The following EPHB1 variants were observed in gnomAD, a reference collection of about 807,000 sequenced individuals.
The protein encoded by EPHB1 is EPH receptor B1, also known as ephrin type-B receptor 1.
A neutral mutation model predicts 94.4 loss-of-function variants in EPHB1; 30 were observed. The observed-to-expected ratio is 0.32, with a 90% CI of 0.24 to 0.43. The LOEUF is 0.43. Ranked by LOEUF, EPHB1 falls within the 20% of genes least tolerant of loss-of-function variation. The pLI is 1.00. For missense variants in EPHB1, 1,055 were observed against 1,308.3 expected (o/e 0.81, Z 2.99); for synonymous variants, 522 against 489.1 (o/e 1.07, Z -0.89).
intron 3 of EPHB1, among the ~76,000 whole-genome samples, chr3:135,030,200 G>T (rs968515701): frequency 1.3e-4 from 20 of 152,044 alleles, no homozygotes; most frequent in Non-Finnish European, 2.5e-4. Context: ...TAATTTGATC[G>T]TCTGAAGCCT....
At chr3:135,152,658 G>C (rs1360936941) in intron 5 of EPHB1, among the ~76,000 whole-genome samples, 1 of 152,102 alleles carries the variant, frequency 6.6e-6, no homozygotes. Context: ...GGTAGTGTTG[G>C]AAAGGCCACT....
At chr3:135,138,916 G>C (rs527384911) in intron 5 of EPHB1, among the ~76,000 whole-genome samples, 2 of 152,284 alleles carry the variant, frequency 1.3e-5, no homozygotes, top group East Asian at 1.9e-4. Flanking sequence ...TGTGTTCTCC[G>C]TTGAGCTCAG....
chr3:134,818,686 C>T (rs1578110873), intron 1 of EPHB1, among the ~76,000 whole-genome samples: 2 of 152,128 alleles, frequency 1.3e-5, no homozygotes, highest in Admixed American at 1.3e-4. Context: ...CTGCAAATGC[C>T]GTTAATTCAT....
At chr3:134,958,816 C>T (rs1482021460) in intron 3 of EPHB1, among the ~76,000 whole-genome samples, 1 of 152,174 alleles carries the variant, frequency 6.6e-6, no homozygotes, top group African/African-American at 2.4e-5. Context: ...GGATGCCCCT[C>T]TGCAGCATGG....
At chr3:135,059,391 A>G (rs1164502176) in intron 3 of EPHB1, among the ~76,000 whole-genome samples, 1 of 152,042 alleles carries the variant, frequency 6.6e-6, no homozygotes, top group African/African-American at 2.4e-5. Context: ...CTGGCGGCTC[A>G]CCCCATTACA....
chr3:135,246,729 T>C (rs887673175), intron 13 of EPHB1, among the ~76,000 whole-genome samples: 2 of 152,116 alleles, frequency 1.3e-5, no homozygotes, highest in Non-Finnish European at 2.9e-5. Flanking sequence ...AGAAAAAAGA[T>C]TGTCAGTGCA....
intron 5 of EPHB1, among the ~76,000 whole-genome samples, chr3:135,147,295 T>C (rs1035560655): frequency 6.6e-6 from 1 of 152,214 alleles, no homozygotes; most frequent in Non-Finnish European, 1.5e-5. Flanking sequence ...CTAGAGAGAA[T>C]AGAAGAGGTT....
Position 135,247,321 on chromosome 3 carries a change from G to A in EPHB1, c.2497-995G>A, listed in dbSNP as rs114093462. On this transcript the variant is annotated intron_variant, in intron 13 of 15. Coordinates refer to ENST00000398015, the MANE Select transcript of EPHB1 (RefSeq NM_004441.5). ...ATTATACTATTTCTGAAGTTATGCA[G>A]CCAGCTCTTTTACCTGTTACAGTAT... Among the ~76,000 whole-genome samples the A allele has an allele frequency of 8.3e-3, 1,269 of 152,234 alleles. 16 individuals carry two copies. The highest frequency in any genetic ancestry group is 0.028 in the African/African-American group (1,164 of 41,552).
At chr3:135,226,463 T>C (rs1283389419) in intron 12 of EPHB1, among the ~76,000 whole-genome samples, 1 of 152,214 alleles carries the variant, frequency 6.6e-6, no homozygotes, top group Non-Finnish European at 1.5e-5. Context: ...GAATGGTCAG[T>C]GTAGAATGGG....
chr3:134,827,870 C>T (rs2036513402), intron 1 of EPHB1, among the ~76,000 whole-genome samples: 1 of 152,174 alleles, frequency 6.6e-6, no homozygotes, highest in East Asian at 1.9e-4. Context: ...TCATTCACAT[C>T]CCTTGCATTG....
intron 3 of EPHB1, among the ~76,000 whole-genome samples, chr3:135,097,028 G>T (rs1292799803): frequency 1.3e-5 from 2 of 150,340 alleles, no homozygotes; most frequent in African/African-American, 4.9e-5. Context: ...CCCTGGAGGT[G>T]GAGGTTGCAG....
Position 135,002,519 on chromosome 3 carries a change from T to C in EPHB1, c.805+50467T>C, listed in dbSNP as rs568488078. On this transcript the variant is annotated intron_variant, in intron 3 of 15. Transcript: ENST00000398015. ...CCTCTTTTTCTATTGATTGGAATAG[T>C]TTCAGAAGGAATGGTACCAGTTCCT... Among the ~76,000 whole-genome samples the C allele has an allele frequency of 5.9e-3, 894 of 151,988 alleles. 13 individuals are homozygous for C. The highest frequency in any genetic ancestry group is 9.4e-3 in the Non-Finnish European group (638 of 67,870).
Position 134,980,476 on chromosome 3 carries a change from G to A in EPHB1, c.805+28424G>A, listed in dbSNP as rs571558357. Among the ~76,000 whole-genome samples, 170 of 151,954 alleles carry A rather than the reference G, an allele frequency of 1.1e-3. 2 individuals carry two copies. Among genetic ancestry groups the A allele is most frequent in the Admixed American group, 3.2e-3 (49 of 15,272 alleles). ...GATGCCACTTCCTAATGGGAAGGGT[G>A]TCAAGAATTTGAAGCCTTTACTTAC... On this transcript the variant is annotated intron_variant, in intron 3 of 15. Transcript: ENST00000398015.
In EPHB1 at chr3:135,056,848, G is replaced by C. The variant is rs1221979418; in HGVS notation, c.806-49600G>C. On this transcript the variant is annotated intron_variant, in intron 3 of 15. Transcript: ENST00000398015. ...TGTAAGCAGAGCCTGAGGTGTAGGG[G>C]AGGCATCCAGGCGGTGAGCCCCAAG... Among the ~76,000 whole-genome samples the C allele has an allele frequency of 3.3e-5, 5 of 152,296 alleles. 1 individual carries two copies. Among genetic ancestry groups the C allele is most frequent in the Admixed American group, 3.3e-4 (5 of 15,300 alleles).
At chr3:134,816,175 T>C (rs1397993992) in intron 1 of EPHB1, among the ~76,000 whole-genome samples, 1 of 146,890 alleles carries the variant, frequency 6.8e-6, no homozygotes, top group Non-Finnish European at 1.5e-5. Flanking sequence ...CTCCACGTCT[T>C]GGGTTCAAGC....
At chr3:135,112,505 C>T (rs1038775007) in intron 4 of EPHB1, among the ~76,000 whole-genome samples, 3 of 151,452 alleles carry the variant, frequency 2.0e-5, no homozygotes, top group African/African-American at 4.9e-5. Flanking sequence ...TGTCATTTAG[C>T]ATTAGGTATA....
intron 12 of EPHB1, among the ~76,000 whole-genome samples, chr3:135,237,278 AC>A (rs1690192260): frequency 7.5e-5 from 1 of 13,336 alleles, no homozygotes; most frequent in Non-Finnish European, 2.2e-4. Context: ...ACCAAATTCT[AC>A]ACACACACAC....
rs1316244978 is a variant in EPHB1, at chr3:134,882,754, C to CTTTCTTTCT, written c.59-43060_59-43059insTCTTTCTTT. ...TCCTTCTTTCCTTCTTTCTTCCTTT[C>CTTTCTTTCT]TTCCTTCCTTCCTTTCTTTCTTTCT... is the stretch of plus-strand genomic sequence containing the variant. On this transcript the variant is annotated intron_variant, in intron 1 of 15. Coordinates refer to ENST00000398015, the MANE Select transcript of EPHB1 (RefSeq NM_004441.5). 1.4e-3 allele frequency among the ~76,000 whole-genome samples: 45 copies of CTTTCTTTCT among 31,324 alleles called. 1 individual carries two copies. Among genetic ancestry groups the CTTTCTTTCT allele is most frequent in the African/African-American group, 4.7e-3 (44 of 9,420 alleles). The allele number at this position is 31,324 out of a possible 152,430, so 20.5% of individuals were successfully genotyped here.
intron 1 of EPHB1, among the ~76,000 whole-genome samples, chr3:134,922,117 C>G (rs536588619): frequency 6.6e-6 from 1 of 152,356 alleles, no homozygotes; most frequent in African/African-American, 2.4e-5. Flanking sequence ...CACAGCACCA[C>G]ACGCACTTCC....
Sources: gnomAD v4.1 joint callset for allele counts (sites outside exome capture counted in the v4.1 genomes callset) on GRCh38, gnomAD v4.1.1 for gene constraint, MANE v1.5 for transcripts, NCBI Gene and HGNC (gene_info 2026-07-23, HGNC 2026-07-21) for gene names.